The following HMCN2 variants were observed in gnomAD, a reference collection of about 807,000 sequenced individuals.
HMCN2 encodes the protein hemicentin-2.
HMCN2 carries 325 observed loss-of-function variants against 377.5 expected under a neutral mutation model. That is an observed-to-expected ratio of 0.86 (90% CI 0.79 to 0.94). HMCN2 has a LOEUF of 0.94. Ranked by LOEUF, HMCN2 falls within the 40% of genes least tolerant of loss-of-function variation. The pLI, the probability that HMCN2 is intolerant of heterozygous loss-of-function variation, is 0.00. For missense variants in HMCN2, 4,543 were observed against 4,725.3 expected (o/e 0.96, Z 1.13); for synonymous variants, 2,007 against 2,046.8 (o/e 0.98, Z 0.53).
chr9:130,307,228 G>A (rs868908563), intron 13 of HMCN2, among the ~76,000 whole-genome samples: 5 of 152,178 alleles, frequency 3.3e-5, no homozygotes, highest in Non-Finnish European at 7.4e-5. Context: ...CCCAGGACTC[G>A]GTCATGACCT....
At chr9:130,356,899 T>G (rs1817249150) in intron 34 of HMCN2, among the ~76,000 whole-genome samples, 1 of 151,888 alleles carries the variant, frequency 6.6e-6, no homozygotes, top group South Asian at 2.1e-4. Context: ...GATCAGTGGG[T>G]GGGTGGATGG....
chr9:130,396,340 G>A (rs1842609211), intron 73 of HMCN2, 27 bp downstream of exon 73: 1 of 1,252,642 alleles, frequency 8.0e-7, no homozygotes, highest in African/African-American at 1.5e-5. Context: ...GTGGGCCTCA[G>A]GGAGGCTCTC....
In HMCN2 at chr9:130,351,303, C is replaced by A; in HGVS notation, c.4431-120C>A. On this transcript the variant is annotated intron_variant, in intron 29 of 97. Transcript: ENST00000683500. The surrounding 1 kb of genome is among the most constrained non-coding windows in gnomAD (Gnocchi z 5.4). ...TTACTGGGCCTTTGCATTGCTCCCA[C>A]CTCTTGGCGCTAATGAATGGCCCAG... The A allele has an allele frequency of 1.5e-6, 1 of 688,828 alleles. No homozygotes were observed. The allele number at this position is 688,828 out of a possible 1,614,324, so 42.7% of individuals were successfully genotyped here.
At position 130,397,401 on chromosome 9, in the gene HMCN2, A is replaced by T. The variant is rs1842658822; in HGVS notation, c.11199-127A>T. 38 of 921,368 alleles carry T rather than the reference A, an allele frequency of 4.1e-5. No individual in the cohort carries two copies. In the South Asian group the frequency reaches 5.5e-4, roughly 13 times the overall value. The allele number at this position is 921,368 out of a possible 1,614,324, so 57.1% of individuals were successfully genotyped here. A position where few individuals can be genotyped will look rare whatever the true frequency, so the allele number is the denominator to read the frequency against. ...TACAAGATGAGATTTGGGTGGAGAC[A>T]GAGCCAAACCATATCAGCATCCTCT... On this transcript the variant is annotated intron_variant, in intron 73 of 97. Transcript: ENST00000683500.
intron 4 of HMCN2, among the ~76,000 whole-genome samples, chr9:130,294,017 A>T (rs1835963572): frequency 6.6e-6 from 1 of 152,080 alleles, no homozygotes; most frequent in Admixed American, 6.5e-5. Context: ...TGTAGCAGGC[A>T]GGGGGAGGCA....
Position 130,351,123 on chromosome 9 carries a change from C to T in HMCN2, c.4431-300C>T, listed in dbSNP as rs1415038486. ...TCTGGGTACTTCACATCACTGGCAT[C>T]ATAGAGTGTGTGGCCTTTTGTGTCT... On this transcript the variant is annotated intron_variant, in intron 29 of 97. Transcript: ENST00000683500. This position sits in a 1 kb window ranked among gnomAD's most constrained non-coding sequence, Gnocchi z 5.4. 6.6e-6 allele frequency among the ~76,000 whole-genome samples: 1 copy of T among 152,214 alleles called. No homozygotes were observed. The highest frequency in any genetic ancestry group is 1.5e-5 in the Non-Finnish European group (1 of 68,042).
Position 130,299,143 on chromosome 9 carries a change from C to G in HMCN2, c.1131C>G (p.Leu377=), listed in dbSNP as rs1836331771. Residue 377 remains leucine, a synonymous_variant, in exon 8 of 98, where the codon CTC becomes CTG. Coordinates refer to ENST00000683500, the MANE Select transcript of HMCN2 (RefSeq NM_001291815.2). ...KPLLTLPTKP[L]SNGSTHQLWG... ...TCCTGACTCTGCCCACGAAGCCCCTCTCCAATGGCTCCACCCATCAGCTGT... is the reference window on the plus strand; with the variant it reads ...TCCTGACTCTGCCCACGAAGCCCCTGTCCAATGGCTCCACCCATCAGCTGT... 2.1e-6 allele frequency: 1 copy of G among 471,172 alleles called. No homozygotes were observed. The highest frequency in any genetic ancestry group is 2.0e-5 in the African/African-American group (1 of 50,088). The allele number at this position is 471,172 out of a possible 1,614,324, so 29.2% of individuals were successfully genotyped here. A position where few individuals can be genotyped will look rare whatever the true frequency, so the allele number is the denominator to read the frequency against.
intron 31 of HMCN2, among the ~76,000 whole-genome samples, chr9:130,354,026 C>T (rs954575053): frequency 5.9e-5 from 9 of 152,256 alleles, no homozygotes; most frequent in African/African-American, 1.4e-4. Context: ...ATGGCCCCGC[C>T]GCTAGCTCAG....
intron 77 of HMCN2, among the ~76,000 whole-genome samples, chr9:130,401,942 T>C (rs1842869706): frequency 6.6e-6 from 1 of 151,964 alleles, no homozygotes; most frequent in African/African-American, 2.4e-5. Context: ...CTGGGTGCGG[T>C]GGTGCATGCC....
At chr9:130,321,398 C>A (rs1019868996) in intron 18 of HMCN2, among the ~76,000 whole-genome samples, 1 of 152,176 alleles carries the variant, frequency 6.6e-6, no homozygotes, top group Non-Finnish European at 1.5e-5. Context: ...TTACCTCTTC[C>A]CTTTCCTCAA....
At chr9:130,269,629 C>G (rs1283849362) in intron 1 of HMCN2, among the ~76,000 whole-genome samples, 2 of 148,404 alleles carry the variant, frequency 1.3e-5, no homozygotes, top group Non-Finnish European at 1.5e-5. Context: ...CTTCTTGTTT[C>G]AATTGCTAGT....
chr9:130,271,523 C>T (rs531043630), intron 1 of HMCN2, among the ~76,000 whole-genome samples: 3 of 149,352 alleles, frequency 2.0e-5, no homozygotes, highest in South Asian at 4.3e-4. Flanking sequence ...CTGTGGTCAT[C>T]GGGAGCTCGT....
rs1304489560 is a variant in HMCN2, at chr9:130,374,696, A to T, written c.7630+3A>T. ...ACACTTCCAGCTCAGTGTCCTGTGT[A>T]AGTTTTGGGCATCTCCTGGCCACCG... is the stretch of plus-strand genomic sequence containing the variant. On this transcript the variant is annotated splice_donor_region_variant and intron_variant, in intron 49 of 97. Transcript: ENST00000683500. The T allele has an allele frequency of 2.0e-6, 2 of 985,630 alleles. No individual in the cohort carries two copies. Among genetic ancestry groups the T allele is most frequent in the African/African-American group, 1.7e-5 (1 of 57,222 alleles). The allele number at this position is 985,630 out of a possible 1,614,324, so 61.1% of individuals were successfully genotyped here. A position where few individuals can be genotyped will look rare whatever the true frequency, so the allele number is the denominator to read the frequency against.
chr9:130,281,621 T>C (rs1472557840), intron 1 of HMCN2, among the ~76,000 whole-genome samples: 1 of 146,308 alleles, frequency 6.8e-6, no homozygotes, highest in African/African-American at 2.6e-5. Flanking sequence ...ACTGGCGCAC[T>C]GGCTCATGCC....
chr9:130,346,960 G>A (rs1333879140), intron 25 of HMCN2, among the ~76,000 whole-genome samples: 4 of 152,096 alleles, frequency 2.6e-5, no homozygotes, highest in Non-Finnish European at 5.9e-5. Flanking sequence ...AGGCTGTATG[G>A]ATGGGCAGTG....
intron 45 of HMCN2, among the ~76,000 whole-genome samples, chr9:130,370,747 C>T (rs934833189): frequency 6.6e-6 from 1 of 152,200 alleles, no homozygotes; most frequent in Admixed American, 6.5e-5. Flanking sequence ...AGACTGAGGC[C>T]CAAGGAGCCT....
At chr9:130,297,697 C>A (rs1277917807) in intron 7 of HMCN2, among the ~76,000 whole-genome samples, 1 of 152,154 alleles carries the variant, frequency 6.6e-6, no homozygotes, top group African/African-American at 2.4e-5. Flanking sequence ...TCTTGTCAGC[C>A]CTTGCCGGTT....
chr9:130,355,710 C>G (rs746499105), intron 32 of HMCN2, 36 bp from the exon 33 acceptor site: 5 of 1,231,280 alleles, frequency 4.1e-6, no homozygotes, highest in Non-Finnish European at 5.4e-6. Flanking sequence ...AGTGGCTGCT[C>G]AGCTCCAAAC....
chr9:130,312,796 G>A (rs1318168992), intron 15 of HMCN2, among the ~76,000 whole-genome samples: 3 of 151,312 alleles, frequency 2.0e-5, no homozygotes, highest in Non-Finnish European at 4.4e-5. Flanking sequence ...CTCCTGAGTA[G>A]CTGGGATTAG....
Sources: gnomAD v4.1 joint callset for allele counts (sites outside exome capture counted in the v4.1 genomes callset) on GRCh38, gnomAD v4.1.1 for gene constraint, Gnocchi (gnomAD v3.1) non-coding constraint, MANE v1.5 for transcripts, NCBI Gene and HGNC (gene_info 2026-07-23, HGNC 2026-07-21) for gene names.